The following OPCML variants were observed in gnomAD, a reference collection of about 807,000 sequenced individuals.
OPCML encodes the protein opioid-binding protein/cell adhesion molecule.
OPCML carries 13 observed loss-of-function variants against 37.8 expected under a neutral mutation model. That is an observed-to-expected ratio of 0.34 (90% CI 0.22 to 0.55). OPCML has a LOEUF of 0.55. Ranked by LOEUF, OPCML falls within the 20% of genes least tolerant of loss-of-function variation. OPCML has a pLI of 0.91. For missense variants in OPCML, 341 were observed against 435.6 expected, an observed-to-expected ratio of 0.78 and a Z score of 1.93; for synonymous variants, 176 against 168.8, an observed-to-expected ratio of 1.04 and a Z score of -0.33.
rs1362046045 is a variant in OPCML at position 133,483,164 on chromosome 11, T to C, written c.61+49100A>G. ...AATATATAAAAAGAAAATTATTTAG[T>C]AATTAGAAAAATGTTGAGGTAAAAC... is the stretch of plus-strand genomic sequence containing the variant. On this transcript the variant is annotated intron_variant, in intron 1 of 7. Coordinates refer to ENST00000524381, the MANE Select transcript of OPCML (RefSeq NM_001012393.5). Among the ~76,000 whole-genome samples, 6 of 152,192 alleles carry C rather than the reference T, an allele frequency of 3.9e-5. No individual in the cohort carries two copies. The East Asian group carries it at 1.2e-3, about 29-fold the overall frequency.
chr11:133,343,833 C>T (rs1284318472), intron 1 of OPCML, among the ~76,000 whole-genome samples: 5 of 152,138 alleles, frequency 3.3e-5, no homozygotes, highest in Non-Finnish European at 7.4e-5. Context: ...CCAAAATAGC[C>T]TAAAATTTTA....
At chr11:132,990,529 T>C (rs1463590744) in intron 1 of OPCML, among the ~76,000 whole-genome samples, 1 of 152,186 alleles carries the variant, frequency 6.6e-6, no homozygotes, top group Admixed American at 6.5e-5. Flanking sequence ...CTATTTGTCA[T>C]ATGAGAGAGC....
intron 1 of OPCML, among the ~76,000 whole-genome samples, chr11:133,401,687 C>T (rs1458236839): frequency 6.6e-6 from 1 of 152,152 alleles, no homozygotes; most frequent in East Asian, 1.9e-4. Flanking sequence ...CAAAACAAGA[C>T]AAAAAAGGAC....
At chr11:132,847,317 T>A (rs1006056026) in intron 2 of OPCML, among the ~76,000 whole-genome samples, 1 of 152,170 alleles carries the variant, frequency 6.6e-6, no homozygotes, top group South Asian at 2.1e-4. Context: ...GATAGATGTA[T>A]ATCCATTGCA....
intron 2 of OPCML, among the ~76,000 whole-genome samples, chr11:132,781,818 C>T (rs1947029559): frequency 6.6e-6 from 1 of 151,136 alleles, no homozygotes; most frequent in Non-Finnish European, 1.5e-5. Flanking sequence ...ACTTTTAAGC[C>T]AGAGCTCAAT....
At chr11:133,284,222 G>C (rs865805757) in intron 1 of OPCML, among the ~76,000 whole-genome samples, 1 of 152,156 alleles carries the variant, frequency 6.6e-6, no homozygotes, top group African/African-American at 2.4e-5. Context: ...CTGTACCGTG[G>C]CTCTTTCAAA....
intron 1 of OPCML, chr11:133,005,492 G>A (rs1947092015): frequency 1.0e-6 from 1 of 985,222 alleles, no homozygotes; most frequent in Non-Finnish European, 1.2e-6. Flanking sequence ...AGGTAGGGCA[G>A]GTCATATTTG....
chr11:133,326,465 TGTGTGTGTATGTGTATGAGGGGGTGTGG>T (rs2136635107), intron 1 of OPCML, among the ~76,000 whole-genome samples: 1 of 106,166 alleles, frequency 9.4e-6, no homozygotes, highest in East Asian at 2.9e-4. Context: ...GTGTGTGGGG[TGTGTGTGTATGTGTATGAGGGGGTGTGG>T]GTGTGTGTAT....
chr11:133,429,236 AG>A (rs1946067444), intron 1 of OPCML, among the ~76,000 whole-genome samples: 1 of 152,210 alleles, frequency 6.6e-6, no homozygotes, highest in South Asian at 2.1e-4. Flanking sequence ...GCAACTGCAA[AG>A]CCACTGAGGT....
intron 1 of OPCML, among the ~76,000 whole-genome samples, chr11:133,230,798 G>T (rs555009260): frequency 6.6e-6 from 1 of 152,156 alleles, no homozygotes; most frequent in Non-Finnish European, 1.5e-5. Flanking sequence ...GCAAAGTGCC[G>T]CATTTCCATG....
intron 1 of OPCML, among the ~76,000 whole-genome samples, chr11:133,113,366 G>C (rs4261296): frequency 0.54 from 82,722 of 152,030 alleles, 22,607 homozygotes; most frequent in East Asian, 0.63. Flanking sequence ...TATTTACCTA[G>C]AGCATGATTT....
intron 1 of OPCML, among the ~76,000 whole-genome samples, chr11:132,956,793 G>A (rs751330289): frequency 2.0e-5 from 3 of 152,112 alleles, no homozygotes; most frequent in Non-Finnish European, 4.4e-5. Context: ...CTAGTTTCCT[G>A]TCTTGGCTGG....
At chr11:133,169,023 G>T (rs541065314) in intron 1 of OPCML, among the ~76,000 whole-genome samples, 53 of 152,270 alleles carry the variant, frequency 3.5e-4, no homozygotes, top group Middle Eastern at 3.4e-3. Context: ...CCAGCTACTT[G>T]GGAGGTTGAG....
intron 1 of OPCML, among the ~76,000 whole-genome samples, chr11:133,145,477 G>C (rs1156723860): frequency 1.3e-5 from 2 of 152,174 alleles, no homozygotes; most frequent in Admixed American, 1.3e-4. Context: ...AGTAGCAGTT[G>C]AGAAAAAGTT....
intron 1 of OPCML, among the ~76,000 whole-genome samples, chr11:133,517,746 C>T (rs776663004): frequency 6.6e-6 from 1 of 152,202 alleles, no homozygotes; most frequent in Non-Finnish European, 1.5e-5. Flanking sequence ...CACATCTCAG[C>T]AAGAACAAGG....
intron 1 of OPCML, among the ~76,000 whole-genome samples, chr11:133,526,772 C>A (rs933690698): frequency 6.6e-6 from 1 of 152,308 alleles, no homozygotes; most frequent in East Asian, 1.9e-4. Flanking sequence ...AAGTCTGGGT[C>A]TCCCACCAAC....
chr11:132,794,062 A>G (rs1366213198), intron 2 of OPCML, among the ~76,000 whole-genome samples: 1 of 152,138 alleles, frequency 6.6e-6, no homozygotes, highest in Non-Finnish European at 1.5e-5. Flanking sequence ...ATTGCTCTTA[A>G]TAATCACGCT....
chr11:132,495,892 C>T, intron 4 of OPCML, among the ~76,000 whole-genome samples: 2 of 118,686 alleles, frequency 1.7e-5, no homozygotes, highest in East Asian at 7.3e-4. Context: ...GAGACTCCAT[C>T]TCAAAAAAAA....
chr11:132,571,953 T>A (rs2096439638), intron 3 of OPCML, among the ~76,000 whole-genome samples: 1 of 152,162 alleles, frequency 6.6e-6, no homozygotes, highest in African/African-American at 2.4e-5. Flanking sequence ...AATTGTATAA[T>A]ACCCATTTCT....
Sources: allele counts gnomAD v4.1 joint callset (sites outside exome capture counted in the v4.1 genomes callset), GRCh38; gene constraint gnomAD v4.1.1; transcripts MANE v1.5; gene names NCBI Gene and HGNC (gene_info 2026-07-23, HGNC 2026-07-21).